The following HDGFL3 variants were observed in gnomAD, a reference collection of about 807,000 sequenced individuals.
The protein encoded by HDGFL3 is hepatoma-derived growth factor-related protein 3.
A neutral mutation model predicts 27.6 loss-of-function variants in HDGFL3; 6 were observed. That is an observed-to-expected ratio of 0.22 (90% CI 0.12 to 0.43). The LOEUF (loss-of-function observed/expected upper bound fraction) is 0.43. HDGFL3 is among the 20% of genes least tolerant of loss of function. HDGFL3 has a pLI of 1.00. For missense variants in HDGFL3, 207 were observed against 250.1 expected (o/e 0.83, Z 1.16); for synonymous variants, 88 against 88.9 (o/e 0.99, Z 0.05).
chr15:83,198,249 T>C (rs2037597134), intron 1 of HDGFL3, among the ~76,000 whole-genome samples: 1 of 152,056 alleles, frequency 6.6e-6, no homozygotes, highest in African/African-American at 2.4e-5. Context: ...GACCTTCATG[T>C]AAGACTGTGG....
chr15:83,155,989 C>T lies in HDGFL3; in HGVS notation c.459+1426G>A, dbSNP rs139340386. 3.9e-3 allele frequency among the ~76,000 whole-genome samples: 600 copies of T among 152,266 alleles called. 7 individuals carry two copies. The highest frequency in any genetic ancestry group is 0.027 in the South Asian group (128 of 4,824). On this transcript the variant is annotated intron_variant, in intron 4 of 5. Coordinates refer to ENST00000299633, the MANE Select transcript of HDGFL3 (RefSeq NM_016073.4). ...AAACCTAGACTTTCAATTTGTAAAT[C>T]TAGGATCATGTCATTCCTCTGTTTA...
rs569779547 is a variant in HDGFL3, at chr15:83,200,126, G to A, written c.84+7205C>T. 1.1e-3 allele frequency among the ~76,000 whole-genome samples: 169 copies of A among 150,268 alleles called. 1 individual carries two copies. Among genetic ancestry groups the A allele is most frequent in the African/African-American group, 3.8e-3 (155 of 40,756 alleles). On this transcript the variant is annotated intron_variant, in intron 1 of 5. Transcript: ENST00000299633. ...TGAGAGGCCGAGGCAGGCAGATCAC[G>A]AGGTCAGGAGATTGAGACCATCCTG...
intron 1 of HDGFL3, among the ~76,000 whole-genome samples, chr15:83,182,482 T>C (rs1365115311): frequency 1.3e-5 from 2 of 152,186 alleles, no homozygotes; most frequent in African/African-American, 4.8e-5. Context: ...AAGGGAACAC[T>C]ACTAATATAT....
At chr15:83,117,352 G>A (rs532239388) in intron 3 of HDGFL3, among the ~76,000 whole-genome samples, 1 of 152,172 alleles carries the variant, frequency 6.6e-6, no homozygotes, top group Admixed American at 6.5e-5. Flanking sequence ...AGCAGTCCTG[G>A]AAGAGAGAGT....
At chr15:83,184,457 T>C (rs1346327805) in intron 1 of HDGFL3, among the ~76,000 whole-genome samples, 1 of 152,208 alleles carries the variant, frequency 6.6e-6, no homozygotes. Flanking sequence ...AGACACCTCA[T>C]TCTTAATTCT....
At chr15:83,115,946 T>C in intron 3 of HDGFL3, 1 of 1,608,768 alleles carries the variant, frequency 6.2e-7, no homozygotes, top group Non-Finnish European at 8.5e-7. Context: ...GAGAGAGGTA[T>C]GGGATCACTT....
At chr15:83,191,935 CT>C (rs749998701) in intron 1 of HDGFL3, among the ~76,000 whole-genome samples, 1,663 of 106,706 alleles carry the variant, frequency 0.016, 5 homozygotes, top group African/African-American at 0.044. Context: ...CTTATCTCTC[CT>C]TTTTTTTTTT....
chr15:83,154,289 T>C (rs1479241578), intron 4 of HDGFL3, among the ~76,000 whole-genome samples: 5 of 150,896 alleles, frequency 3.3e-5, no homozygotes, highest in African/African-American at 9.8e-5. Context: ...TGAGCTGAGA[T>C]TGCACCACTG....
chr15:83,174,576 A>C (rs559675994), intron 1 of HDGFL3, among the ~76,000 whole-genome samples: 2 of 152,240 alleles, frequency 1.3e-5, no homozygotes, highest in African/African-American at 4.8e-5. Flanking sequence ...TATCAACTTA[A>C]CCATTTTTAA....
rs559854437 is a variant in HDGFL3, at chr15:83,138,237, C to T, written c.*1033G>A. 6.6e-6 allele frequency: 1 copy of T among 152,516 alleles called. No individual in the cohort carries two copies. Among genetic ancestry groups the T allele is most frequent in the African/African-American group, 2.4e-5 (1 of 41,496 alleles). The allele number at this position is 152,516 out of a possible 1,614,324, so 9.4% of individuals were successfully genotyped here. ...CATTTTTTTGTTTTTGATTTTTTTA[C>T]AGTAAACTTTTCAACTACAAACCGT... On this transcript the variant is annotated 3_prime_UTR_variant, in exon 6 of 6. Coordinates refer to ENST00000299633, the MANE Select transcript of HDGFL3 (RefSeq NM_016073.4).
intron 5 of HDGFL3, among the ~76,000 whole-genome samples, chr15:83,140,120 GCA>G (rs1419294782): frequency 2.0e-5 from 3 of 152,056 alleles, no homozygotes; most frequent in Non-Finnish European, 4.4e-5. Context: ...AAGCACATGT[GCA>G]CACTGATGGG....
intron 2 of HDGFL3, among the ~76,000 whole-genome samples, chr15:83,159,490 A>G (rs2037071426): frequency 6.6e-6 from 1 of 152,210 alleles, no homozygotes; most frequent in African/African-American, 2.4e-5. Flanking sequence ...GTTTTCTTGG[A>G]GCACATGTTC....
intron 3 of HDGFL3, among the ~76,000 whole-genome samples, chr15:83,117,429 T>C (rs566234581): frequency 5.9e-5 from 9 of 151,430 alleles, no homozygotes; most frequent in East Asian, 5.8e-4. Context: ...TATGAGAAGG[T>C]AGAGAGAGAA....
chr15:83,131,178 T>C lies in HDGFL3; in HGVS notation c.*8092A>G, dbSNP rs2036216825. 2 of 152,272 alleles carry C rather than the reference T, an allele frequency of 1.3e-5. No homozygotes were observed. Among genetic ancestry groups the C allele is most frequent in the Admixed American group, 6.5e-5 (1 of 15,288 alleles). The allele number at this position is 152,272 out of a possible 1,614,324, so 9.4% of individuals were successfully genotyped here. On this transcript the variant is annotated 3_prime_UTR_variant, in exon 6 of 6. Transcript: ENST00000299633. Reference sequence around the variant, plus strand: ...GCATCTTTGCTTGCTAAAATTGCCATTCTTATTTAGAAACCTTATGCATTC... The same window carrying C: ...GCATCTTTGCTTGCTAAAATTGCCACTCTTATTTAGAAACCTTATGCATTC...
chr15:83,115,948 G>A, intron 3 of HDGFL3: 2 of 1,607,050 alleles, frequency 1.2e-6, no homozygotes, highest in Non-Finnish European at 1.7e-6. Flanking sequence ...GAGAGGTATG[G>A]GATCACTTAG....
intron 1 of HDGFL3, among the ~76,000 whole-genome samples, chr15:83,166,499 C>T (rs751026254): frequency 1.1e-4 from 17 of 152,034 alleles, no homozygotes; most frequent in Non-Finnish European, 2.2e-4. Context: ...TACCTGTTAT[C>T]AAAAAAACAC....
chr15:83,158,739 T>A (rs752370524), intron 2 of HDGFL3, among the ~76,000 whole-genome samples: 1 of 152,206 alleles, frequency 6.6e-6, no homozygotes, highest in Non-Finnish European at 1.5e-5. Flanking sequence ...ATATATAGGT[T>A]TCATACTATC....
chr15:83,127,743 A>G (rs1023721473), downstream of HDGFL3: 11 of 361,646 alleles, frequency 3.0e-5, no homozygotes, highest in Non-Finnish European at 4.6e-5. Context: ...CCAAGGTTAC[A>G]CACCCAGCAT....
intron 1 of HDGFL3, among the ~76,000 whole-genome samples, chr15:83,202,669 T>C (rs2037662088): frequency 6.6e-6 from 1 of 152,132 alleles, no homozygotes; most frequent in Non-Finnish European, 1.5e-5. Flanking sequence ...GGTATAACTT[T>C]CATACAGTAT....
Sources: gnomAD v4.1 joint callset for allele counts (sites outside exome capture counted in the v4.1 genomes callset) on GRCh38, gnomAD v4.1.1 for gene constraint, MANE v1.5 for transcripts, NCBI Gene and HGNC (gene_info 2026-07-23, HGNC 2026-07-21) for gene names.